The following PHC3 variants were observed in gnomAD, a reference collection of about 807,000 sequenced individuals.
PHC3 encodes the protein polyhomeotic-like protein 3.
In PHC3, 13 loss-of-function variants were observed where a neutral mutation model predicts 107.4. That is an observed-to-expected ratio of 0.12 (90% CI 0.08 to 0.19). PHC3 has a LOEUF of 0.19. PHC3 is among the 10% of genes least tolerant of loss of function. The pLI, the probability that PHC3 is intolerant of heterozygous loss-of-function variation, is 1.00. For synonymous variants in PHC3, 456 were observed against 427.4 expected (o/e 1.07, Z -0.83); for missense variants, 992 against 1,210.9 (o/e 0.82, Z 2.68).
At chr3:170,146,051 C>T (rs1263110878) in intron 5 of PHC3, among the ~76,000 whole-genome samples, 2 of 152,126 alleles carry the variant, frequency 1.3e-5, no homozygotes, top group Non-Finnish European at 2.9e-5. Context: ...TCCAGGTTGC[C>T]CTTTCATTTT....
At chr3:170,155,745 A>C (rs1726788701) in intron 4 of PHC3, among the ~76,000 whole-genome samples, 2 of 151,958 alleles carry the variant, frequency 1.3e-5, no homozygotes. Context: ...AAGAAAAATG[A>C]CTGCATTGGA....
chr3:170,162,732 C>T (rs2108681797), intron 4 of PHC3, among the ~76,000 whole-genome samples: 1 of 152,272 alleles, frequency 6.6e-6, no homozygotes, highest in South Asian at 2.1e-4. Flanking sequence ...AGCTCTCCAA[C>T]AGCTTCCCAA....
chr3:170,132,002 T>C lies in PHC3; in HGVS notation c.920-2450A>G, dbSNP rs537264163. Among the ~76,000 whole-genome samples, 158 of 152,276 alleles carry C rather than the reference T, an allele frequency of 1.0e-3. 1 individual carries two copies. The highest frequency in any genetic ancestry group is 3.4e-3 in the African/African-American group (141 of 41,554). On this transcript the variant is annotated intron_variant, in intron 7 of 14. Transcript: ENST00000495893. ...TTTATTTTTAGTCCATAAGACCAAT[T>C]GATAAGCACATATATTACAGAATAA...
At chr3:170,121,431 C>CTA (rs1217066311) in intron 9 of PHC3, among the ~76,000 whole-genome samples, 3 of 152,026 alleles carry the variant, frequency 2.0e-5, no homozygotes, top group African/African-American at 7.2e-5. Context: ...AGTAAAATAC[C>CTA]TAGAATACAC....
At chr3:170,111,441 AAAGAGAAGAG>A (rs543502833) in intron 11 of PHC3, among the ~76,000 whole-genome samples, 143 of 151,322 alleles carry the variant, frequency 9.5e-4, no homozygotes, top group Non-Finnish European at 1.8e-3. Context: ...GAAAGAAAGG[AAAGAGAAGAG>A]AAGAGAGGAG....
At chr3:170,105,457 G>A (rs191703904) in intron 12 of PHC3, among the ~76,000 whole-genome samples, 1 of 152,172 alleles carries the variant, frequency 6.6e-6, no homozygotes, top group Non-Finnish European at 1.5e-5. Context: ...AAATATTCAA[G>A]TAAGAAATTC....
Position 170,128,755 on chromosome 3 carries a change from T to C in PHC3, c.1717A>G (p.Thr573Ala). 6.2e-7 allele frequency: 1 copy of C among 1,613,610 alleles called. No homozygotes were observed. The highest frequency in any genetic ancestry group is 8.5e-7 in the Non-Finnish European group (1 of 1,179,800). The change falls in exon 8 of 15, where the codon ACT (threonine) becomes GCT (alanine). Residue 573 changes from threonine (T) to alanine (A), a missense_variant. Coordinates refer to ENST00000495893, the MANE Select transcript of PHC3 (RefSeq NM_024947.4). ...GCAACAGTCTGTGGAGGAGGAAGAG[T>C]CTGAAATGGCAACTGGACCAAAGCT... is the stretch of plus-strand genomic sequence containing the variant. Reference protein sequence around the residue: ...AEALVQLPFQTLPPPQTVAVN... With the variant: ...AEALVQLPFQALPPPQTVAVN...
At chr3:170,147,538 A>G (rs1279929636) in intron 5 of PHC3, 2 of 152,234 alleles carry the variant, frequency 1.3e-5, no homozygotes, top group Admixed American at 1.3e-4. Flanking sequence ...TGCATTGAAC[A>G]TGTACAAATT....
rs1577164430 is a variant in PHC3 at position 170,148,902 on chromosome 3, TATTA to T, written c.573+180_573+183del. On this transcript the variant is annotated intron_variant, in intron 5 of 14. Transcript: ENST00000495893. ...ATTACTATTTGATACCAAGAAGACC[TATTA>T]ATTAAAAGTAGAATCTTTCATGACA... The T allele has an allele frequency of 1.3e-5, 7 of 532,522 alleles. No individual in the cohort carries two copies. In the East Asian group the frequency reaches 1.7e-4, roughly 13 times the overall value. 33.0% of individuals were successfully genotyped at this position (532,522 alleles called of 1,614,324 possible).
At chr3:170,108,838 T>G (rs1717074250) in intron 11 of PHC3, among the ~76,000 whole-genome samples, 1 of 152,184 alleles carries the variant, frequency 6.6e-6, no homozygotes, top group Non-Finnish European at 1.5e-5. Flanking sequence ...AAGCTTTGTT[T>G]CAAAGATCTT....
chr3:170,110,987 T>C (rs1023295634), intron 11 of PHC3, among the ~76,000 whole-genome samples: 1 of 152,176 alleles, frequency 6.6e-6, no homozygotes, highest in Non-Finnish European at 1.5e-5. Flanking sequence ...TAAAATAGTA[T>C]GTGCAATTAA....
At chr3:170,121,736 T>C (rs1720368738) in intron 9 of PHC3, among the ~76,000 whole-genome samples, 1 of 152,216 alleles carries the variant, frequency 6.6e-6, no homozygotes, top group Non-Finnish European at 1.5e-5. Context: ...GAATATCATA[T>C]ATGGCTTAGA....
intron 6 of PHC3, among the ~76,000 whole-genome samples, chr3:170,138,031 C>T (rs1296221864): frequency 6.6e-6 from 1 of 152,046 alleles, no homozygotes; most frequent in Non-Finnish European, 1.5e-5. Context: ...CCTGTCTCTA[C>T]TAAAAATACA....
intron 8 of PHC3, among the ~76,000 whole-genome samples, chr3:170,125,007 GATA>G (rs1327164916): frequency 2.0e-5 from 3 of 151,954 alleles, no homozygotes; most frequent in African/African-American, 7.3e-5. Context: ...ACTGTTACTG[GATA>G]ATTTTATATC....
intron 11 of PHC3, among the ~76,000 whole-genome samples, chr3:170,111,929 A>G (rs1180668125): frequency 6.6e-6 from 1 of 152,214 alleles, no homozygotes; most frequent in Non-Finnish European, 1.5e-5. Flanking sequence ...AATGAAATAT[A>G]CTAATACATT....
At chr3:170,178,210 C>G (rs567440493) in intron 2 of PHC3, among the ~76,000 whole-genome samples, 1,821 of 148,024 alleles carry the variant, frequency 0.012, 41 homozygotes, top group African/African-American at 0.043. Context: ...GTGGCGCGAT[C>G]TCCGCTCACT....
At chr3:170,149,333 T>C (rs1725519001) in intron 4 of PHC3, 89 bp from the exon 5 acceptor site, 2 of 1,285,964 alleles carry the variant, frequency 1.6e-6, no homozygotes, top group Middle Eastern at 2.8e-4. Flanking sequence ...AGGCAATCAA[T>C]GGTATAAACT....
At chr3:170,138,208 A>C (rs1285164205) in intron 6 of PHC3, among the ~76,000 whole-genome samples, 1 of 152,048 alleles carries the variant, frequency 6.6e-6, no homozygotes, top group African/African-American at 2.4e-5. Flanking sequence ...AAAACAAATA[A>C]ATAAATAAAT....
chr3:170,181,022 C>A (rs144829746), intron 1 of PHC3, among the ~76,000 whole-genome samples: 31 of 152,328 alleles, frequency 2.0e-4, no homozygotes, highest in Admixed American at 9.2e-4. Flanking sequence ...GTTCTGGAGT[C>A]GTTAACTAAA....
Sources: gnomAD v4.1 joint callset for allele counts (sites outside exome capture counted in the v4.1 genomes callset) on GRCh38, gnomAD v4.1.1 for gene constraint, MANE v1.5 for transcripts, NCBI Gene and HGNC (gene_info 2026-07-23, HGNC 2026-07-21) for gene names.